Variants in ATAD2B observed in about 807,000 individuals in gnomAD.
The protein encoded by ATAD2B is ATPase family AAA domain containing 2B, also known as ATPase family AAA domain-containing protein 2B.
A neutral mutation model predicts 167.6 loss-of-function variants in ATAD2B; 40 were observed. The observed-to-expected ratio is 0.24, with a 90% confidence interval of 0.19 to 0.31. The LOEUF (loss-of-function observed/expected upper bound fraction) is 0.31, where lower values mean the gene tolerates loss of function less well. Among genes scored for constraint, ATAD2B ranks in the 10% least tolerant of loss-of-function variants. The pLI, the probability that ATAD2B is intolerant of heterozygous loss-of-function variation, is 1.00. For synonymous variants in ATAD2B, 579 were observed against 596.5 expected, an observed-to-expected ratio of 0.97 and a Z score of 0.43; for missense variants, 1,242 against 1,757.2, an observed-to-expected ratio of 0.71 and a Z score of 5.24.
intron 2 of ATAD2B, among the ~76,000 whole-genome samples, chr2:23,891,783 G>A (rs1246763684): frequency 6.6e-6 from 1 of 151,060 alleles, no homozygotes; most frequent in Non-Finnish European, 1.5e-5. Context: ...GATTACAGGC[G>A]TGAGCCGCTG....
intron 17 of ATAD2B, among the ~76,000 whole-genome samples, chr2:23,818,093 CAT>C (rs1311350728): frequency 9.8e-5 from 3 of 30,476 alleles, no homozygotes; most frequent in Non-Finnish European, 1.8e-4. Context: ...CACACACACA[CAT>C]TACACACACA....
intron 15 of ATAD2B, among the ~76,000 whole-genome samples, chr2:23,826,443 T>C (rs1688271714): frequency 1.3e-5 from 2 of 152,168 alleles, no homozygotes; most frequent in Non-Finnish European, 2.9e-5. Context: ...AAAGTTAATA[T>C]TAAAGAAATT....
intron 24 of ATAD2B, 121 bp from the exon 25 acceptor site, chr2:23,758,222 A>G: frequency 1.3e-6 from 1 of 749,430 alleles, no homozygotes; most frequent in Non-Finnish European, 2.1e-6. Context: ...CACAAAAACT[A>G]CTTAGCTCTT....
intron 1 of ATAD2B, among the ~76,000 whole-genome samples, chr2:23,923,250 C>T (rs1272915619): frequency 3.3e-5 from 5 of 151,954 alleles, no homozygotes; most frequent in African/African-American, 7.3e-5. Flanking sequence ...TATGTCAGTC[C>T]CAGAAAGACA....
chr2:23,926,254 G>A (rs1704792208), intron 1 of ATAD2B, among the ~76,000 whole-genome samples: 1 of 152,202 alleles, frequency 6.6e-6, no homozygotes, highest in East Asian at 1.9e-4. Flanking sequence ...ATTCCCCTCT[G>A]GGGCAGGACA....
chr2:23,904,500 AAGAAT>A (rs1701233152), intron 1 of ATAD2B, among the ~76,000 whole-genome samples: 1 of 151,946 alleles, frequency 6.6e-6, no homozygotes, highest in East Asian at 1.9e-4. Flanking sequence ...TTAAAAAAGA[AAGAAT>A]AGTTTAGACT....
At chr2:23,688,087 G>T in the ATAD2B span, among the ~76,000 whole-genome samples, 3 of 152,152 alleles carry the variant, frequency 2.0e-5, no homozygotes, top group Non-Finnish European at 4.4e-5. Context: ...CGGTAGAGTG[G>T]ACAGGTGTGG....
At chr2:23,842,945 T>C (rs1030069219) in intron 13 of ATAD2B, among the ~76,000 whole-genome samples, 2 of 152,018 alleles carry the variant, frequency 1.3e-5, no homozygotes, top group African/African-American at 2.4e-5. Context: ...ACAATAATAA[T>C]ATCCAGGACA....
intron 18 of ATAD2B, among the ~76,000 whole-genome samples, chr2:23,803,523 A>G (rs1416598437): frequency 6.6e-6 from 1 of 152,242 alleles, no homozygotes; most frequent in African/African-American, 2.4e-5. Flanking sequence ...GTGTGGAGCC[A>G]GAAAATCAGA....
chr2:23,871,365 A>C (rs1471020984), intron 8 of ATAD2B, among the ~76,000 whole-genome samples: 2 of 152,134 alleles, frequency 1.3e-5, no homozygotes, highest in Non-Finnish European at 2.9e-5. Context: ...GCAATTTTAA[A>C]ATTCAATGGC....
At chr2:23,856,429 C>T (rs1168902336) in intron 13 of ATAD2B, 1 of 401,548 alleles carries the variant, frequency 2.5e-6, no homozygotes, top group Non-Finnish European at 5.1e-6. Context: ...GCAGGTTGAG[C>T]ATTATCATAA....
the ATAD2B span, among the ~76,000 whole-genome samples, chr2:23,736,864 G>A: frequency 1.1e-4 from 16 of 152,290 alleles, no homozygotes; most frequent in South Asian, 2.1e-4. Flanking sequence ...CTTTTCCAAC[G>A]GGCTTAAAAA....
intron 1 of ATAD2B, among the ~76,000 whole-genome samples, chr2:23,924,796 G>T (rs769616884): frequency 3.3e-5 from 5 of 152,116 alleles, no homozygotes; most frequent in Non-Finnish European, 7.4e-5. Flanking sequence ...CAATTTAAAA[G>T]CTACCAAATG....
At chr2:23,842,803 T>A (rs1042818605) in intron 13 of ATAD2B, among the ~76,000 whole-genome samples, 3 of 152,242 alleles carry the variant, frequency 2.0e-5, no homozygotes, top group Non-Finnish European at 2.9e-5. Context: ...GACAAAAGGT[T>A]TGAAAGGAGA....
chr2:23,910,239 C>T (rs1357301942), intron 1 of ATAD2B, among the ~76,000 whole-genome samples: 2 of 143,970 alleles, frequency 1.4e-5, no homozygotes, highest in East Asian at 2.1e-4. Context: ...AGTGCAATGG[C>T]GCGATCTCAG....
the ATAD2B span, among the ~76,000 whole-genome samples, chr2:23,734,148 T>C: frequency 2.0e-5 from 3 of 151,918 alleles, no homozygotes; most frequent in Non-Finnish European, 2.9e-5. Context: ...TACCCGATAC[T>C]GGGTAACTTA....
At chr2:23,736,262 C>G in the ATAD2B span, among the ~76,000 whole-genome samples, 1 of 152,144 alleles carries the variant, frequency 6.6e-6, no homozygotes, top group Admixed American at 6.5e-5. Context: ...GCATTCTTCC[C>G]TTGGGTTGGT....
At chr2:23,830,713 T>TA (rs1269644287) in intron 14 of ATAD2B, among the ~76,000 whole-genome samples, 1 of 151,934 alleles carries the variant, frequency 6.6e-6, no homozygotes, top group East Asian at 1.9e-4. Context: ...GAACAGATAC[T>TA]AAAAAAAGAA....
At chr2:23,746,771 C>G (rs1013897343), downstream of ATAD2B, among the ~76,000 whole-genome samples, 5 of 152,022 alleles carry the variant, frequency 3.3e-5, no homozygotes, top group African/African-American at 1.2e-4. Flanking sequence ...ATAAGGGAAG[C>G]AAGAAGGAAA....
Sources: gnomAD v4.1 joint callset for allele counts (sites outside exome capture counted in the v4.1 genomes callset) on GRCh38, gnomAD v4.1.1 for gene constraint, MANE v1.5 for transcripts, NCBI Gene and HGNC (gene_info 2026-07-23, HGNC 2026-07-21) for gene names.